Variants in CHSY3 observed in about 807,000 individuals in gnomAD.
CHSY3 encodes N-acetylgalactosaminyl-proteoglycan 3-beta-glucuronosyltransferase 3.
CHSY3 carries 35 observed loss-of-function variants against 67.2 expected under a neutral mutation model. That is an observed-to-expected ratio of 0.52 (90% CI 0.40 to 0.69). The LOEUF (loss-of-function observed/expected upper bound fraction) is 0.69. CHSY3 is among the 30% of genes least tolerant of loss of function. The pLI is 0.00. For synonymous variants in CHSY3, 474 were observed against 434.7 expected (o/e 1.09, Z -1.12); for missense variants, 1,069 against 1,138.5 (o/e 0.94, Z 0.88).
chr5:130,159,468 A>G (rs1769466871), intron 2 of CHSY3, among the ~76,000 whole-genome samples: 3 of 152,154 alleles, frequency 2.0e-5, no homozygotes, highest in Admixed American at 6.5e-5. Context: ...CCTGGCCGCA[A>G]TTCTGCATTA....
At chr5:130,178,209 ATATGTATATATTTATATT>A (rs1770116924) in intron 2 of CHSY3, among the ~76,000 whole-genome samples, 1 of 122,084 alleles carries the variant, frequency 8.2e-6, no homozygotes, top group African/African-American at 3.1e-5. Flanking sequence ...ATTTATATAT[ATATGTATATATTTATATT>A]TATATATATA....
At chr5:130,008,418 T>G (rs749882572) in intron 2 of CHSY3, among the ~76,000 whole-genome samples, 4 of 152,176 alleles carry the variant, frequency 2.6e-5, no homozygotes, top group Non-Finnish European at 5.9e-5. Context: ...GAACCCAACT[T>G]ATACCATAGT....
At chr5:130,020,993 G>A (rs1289061302) in intron 2 of CHSY3, among the ~76,000 whole-genome samples, 1 of 152,128 alleles carries the variant, frequency 6.6e-6, no homozygotes, top group African/African-American at 2.4e-5. Flanking sequence ...CGTAATTGGT[G>A]TAGCAAATGT....
At chr5:129,917,229 G>GA in intron 2 of CHSY3, among the ~76,000 whole-genome samples, 1 of 152,244 alleles carries the variant, frequency 6.6e-6, no homozygotes, top group Non-Finnish European at 1.5e-5. Flanking sequence ...TGTCTACAAT[G>GA]GGTCAGCCCT....
Position 130,044,044 on chromosome 5 carries a change from G to T in CHSY3, c.1086+135684G>T, listed in dbSNP as rs925316311. Among the ~76,000 whole-genome samples, 8 of 152,188 alleles carry T rather than the reference G, an allele frequency of 5.3e-5. No homozygotes were observed. The East Asian group carries it at 1.5e-3, about 29-fold the overall frequency. ...GAGTCTGAAGCTCAGAGAGAGATCA[G>T]AGTTGGAAATACATATGCTGAAATA... On this transcript the variant is annotated intron_variant, in intron 2 of 2. Coordinates refer to ENST00000305031, the MANE Select transcript of CHSY3 (RefSeq NM_175856.5).
chr5:129,972,144 T>G (rs374717764), intron 2 of CHSY3, among the ~76,000 whole-genome samples: 3 of 152,114 alleles, frequency 2.0e-5, no homozygotes, highest in East Asian at 3.9e-4. Context: ...AACTTCAGTG[T>G]TAACTGTTAT....
intron 2 of CHSY3, among the ~76,000 whole-genome samples, chr5:129,938,765 G>T (rs1206809828): frequency 1.3e-5 from 2 of 152,114 alleles, no homozygotes; most frequent in Non-Finnish European, 2.9e-5. Context: ...GGGCTTCGTT[G>T]TCCATATCAC....
intron 2 of CHSY3, among the ~76,000 whole-genome samples, chr5:130,045,268 G>A (rs1182992760): frequency 6.6e-6 from 1 of 152,092 alleles, no homozygotes; most frequent in African/African-American, 2.4e-5. Flanking sequence ...AATTTAAAAA[G>A]CACTCACTAG....
Position 130,088,065 on chromosome 5 carries a change from A to G in CHSY3, c.1087-96164A>G, listed in dbSNP as rs147702750. 9.4e-3 allele frequency among the ~76,000 whole-genome samples: 1,435 copies of G among 152,248 alleles called. 20 individuals carry two copies. The highest frequency in any genetic ancestry group is 0.032 in the African/African-American group (1,345 of 41,514). On this transcript the variant is annotated intron_variant, in intron 2 of 2. Coordinates refer to ENST00000305031, the MANE Select transcript of CHSY3 (RefSeq NM_175856.5). ...ACAGAGCTCTCAGAAATAATGCCGCATATATACAACTATCTGATCTTTGAC... is the reference window on the plus strand; with the variant it reads ...ACAGAGCTCTCAGAAATAATGCCGCGTATATACAACTATCTGATCTTTGAC...
chr5:129,999,997 T>A (rs180867470), intron 2 of CHSY3, among the ~76,000 whole-genome samples: 1 of 152,120 alleles, frequency 6.6e-6, no homozygotes, highest in Non-Finnish European at 1.5e-5. Context: ...AGCTAAAATC[T>A]CCTGCTTATT....
chr5:130,040,230 A>G (rs1007259683), intron 2 of CHSY3, among the ~76,000 whole-genome samples: 2 of 152,060 alleles, frequency 1.3e-5, no homozygotes, highest in African/African-American at 4.8e-5. Context: ...TTCAGCCACT[A>G]ATCAGTGACC....
At chr5:129,998,039 T>G (rs1763597757) in intron 2 of CHSY3, among the ~76,000 whole-genome samples, 1 of 152,202 alleles carries the variant, frequency 6.6e-6, no homozygotes, top group Non-Finnish European at 1.5e-5. Context: ...ATGCGATTGC[T>G]GGGTCAAATG....
intron 1 of CHSY3, chr5:129,905,834 C>A: frequency 8.7e-7 from 1 of 1,143,968 alleles, no homozygotes; most frequent in Non-Finnish European, 1.2e-6. Context: ...TCTGGACCCT[C>A]CTCACACCTG....
chr5:130,125,513 A>G (rs907130708), intron 2 of CHSY3, among the ~76,000 whole-genome samples: 1 of 152,142 alleles, frequency 6.6e-6, no homozygotes, highest in African/African-American at 2.4e-5. Context: ...TTCCTTTTCA[A>G]CTCATCACTG....
intron 2 of CHSY3, among the ~76,000 whole-genome samples, chr5:130,069,033 AT>A (rs1173854755): frequency 6.6e-6 from 1 of 152,092 alleles, no homozygotes; most frequent in Non-Finnish European, 1.5e-5. Context: ...TAGAAAATCC[AT>A]ATTTTCTAAT....
At chr5:130,141,363 C>T in intron 2 of CHSY3, 1 of 380,238 alleles carries the variant, frequency 2.6e-6, no homozygotes, top group Non-Finnish European at 5.3e-6. Flanking sequence ...GGAGAGAGTG[C>T]CATGACCAAG....
At chr5:130,126,003 A>G (rs1407275321) in intron 2 of CHSY3, among the ~76,000 whole-genome samples, 1 of 150,984 alleles carries the variant, frequency 6.6e-6, no homozygotes, top group Non-Finnish European at 1.5e-5. Context: ...CATACCTGGT[A>G]TTGGTCATTA....
intron 2 of CHSY3, among the ~76,000 whole-genome samples, chr5:130,087,513 G>A (rs13177340): frequency 0.31 from 45,874 of 148,154 alleles, 6,965 homozygotes; most frequent in South Asian, 0.41. Flanking sequence ...AGCAACTTCA[G>A]CAAAATCTCA....
intron 2 of CHSY3, among the ~76,000 whole-genome samples, chr5:130,182,692 T>G (rs1448848938): frequency 6.6e-6 from 1 of 152,100 alleles, no homozygotes; most frequent in Non-Finnish European, 1.5e-5. Flanking sequence ...GTTTTTACTT[T>G]TTTCCCTTAT....
Sources: gnomAD v4.1 joint callset for allele counts (sites outside exome capture counted in the v4.1 genomes callset) on GRCh38, gnomAD v4.1.1 for gene constraint, MANE v1.5 for transcripts, NCBI Gene and HGNC (gene_info 2026-07-23, HGNC 2026-07-21) for gene names.